GPBP1L1: variants seen among roughly 807,000 people sequenced by gnomAD.
GPBP1L1 encodes GC-rich promoter binding protein 1 like 1.
In GPBP1L1, 23 loss-of-function variants were observed where a neutral mutation model predicts 52.5. The observed-to-expected ratio is 0.44, with a 90% CI of 0.32 to 0.62. The LOEUF (loss-of-function observed/expected upper bound fraction) is 0.62. Ranked by LOEUF, GPBP1L1 falls within the 20% of genes least tolerant of loss-of-function variation. The pLI, the probability that GPBP1L1 is intolerant of heterozygous loss-of-function variation, is 0.06. For synonymous variants in GPBP1L1, 243 were observed against 203.1 expected (o/e 1.20, Z -1.67); for missense variants, 596 against 579.3 (o/e 1.03, Z -0.30).
chr1:45,664,507 C>T (rs938510599), intron 2 of GPBP1L1, among the ~76,000 whole-genome samples: 12 of 151,192 alleles, frequency 7.9e-5, no homozygotes, highest in African/African-American at 2.4e-4. Flanking sequence ...TGGAGCTTGC[C>T]GTGAGCGGAG....
chr1:45,678,592 A>G (rs370266475), intron 2 of GPBP1L1, among the ~76,000 whole-genome samples: 2 of 152,236 alleles, frequency 1.3e-5, no homozygotes, highest in Admixed American at 6.5e-5. Context: ...GAATTAAAAA[A>G]AGAACAAGCT....
At chr1:45,658,340 T>C (rs1230770867) in intron 4 of GPBP1L1, among the ~76,000 whole-genome samples, 1 of 152,184 alleles carries the variant, frequency 6.6e-6, no homozygotes, top group African/African-American at 2.4e-5. Flanking sequence ...CATTCCCCTT[T>C]TACTTCTGCC....
intron 2 of GPBP1L1, 61 bp from the exon 3 acceptor site, chr1:45,661,286 A>G (rs1255134202): frequency 1.3e-5 from 2 of 152,218 alleles, no homozygotes; most frequent in Admixed American, 1.3e-4. Context: ...ATATATACAT[A>G]TATCTGCTAA....
At chr1:45,633,886 A>C in intron 9 of GPBP1L1, 1 of 660,722 alleles carries the variant, frequency 1.5e-6, no homozygotes, top group Non-Finnish European at 2.5e-6. Context: ...TGCCAGTCTA[A>C]CATAGGATGA....
chr1:45,669,572 T>C (rs1288254959), intron 2 of GPBP1L1, among the ~76,000 whole-genome samples: 1 of 152,182 alleles, frequency 6.6e-6, no homozygotes, highest in East Asian at 1.9e-4. Context: ...CAGACATAGT[T>C]TAGTCATTTG....
chr1:45,676,197 A>G (rs1404683795), intron 2 of GPBP1L1, among the ~76,000 whole-genome samples: 1 of 152,208 alleles, frequency 6.6e-6, no homozygotes, highest in Non-Finnish European at 1.5e-5. Context: ...AAAAATTCCT[A>G]TTTAAGATTT....
intron 2 of GPBP1L1, among the ~76,000 whole-genome samples, chr1:45,680,235 C>CT (rs58188753): frequency 0.078 from 10,131 of 130,114 alleles, 1,095 homozygotes; most frequent in African/African-American, 0.23. Flanking sequence ...TTGAGACACG[C>CT]TTTTTTTTTT....
intron 11 of GPBP1L1, 90 bp from the exon 12 acceptor site, chr1:45,629,768 C>T (rs1644506345): frequency 2.3e-6 from 2 of 858,750 alleles, no homozygotes; most frequent in Non-Finnish European, 3.9e-6. Flanking sequence ...AGTTTTCTGC[C>T]CAGGGGCAAT....
At chr1:45,631,441 T>G (rs1321410431) in intron 10 of GPBP1L1, among the ~76,000 whole-genome samples, 1 of 152,108 alleles carries the variant, frequency 6.6e-6, no homozygotes, top group Non-Finnish European at 1.5e-5. Flanking sequence ...TTTTCTGTTT[T>G]TAGTAGGAAC....
chr1:45,654,591 T>C lies in GPBP1L1; in HGVS notation c.429A>G (p.Glu143=), dbSNP rs775374819. ...QEKPPMEIRE[E]KKEDKVEKLQ... is the part of the protein sequence containing the mutation. ...ACTTTTCCACCTTGTCTTCTTTCTTTTCTTCCCTAATCTCCATAGGTGGCT... is the reference window on the plus strand; with the variant it reads ...ACTTTTCCACCTTGTCTTCTTTCTTCTCTTCCCTAATCTCCATAGGTGGCT... The change falls in exon 6 of 13, where the codon GAA becomes GAG. Residue 143 remains glutamate (E), a synonymous_variant. Transcript: ENST00000355105. 13 of 1,613,368 alleles carry C rather than the reference T, an allele frequency of 8.1e-6. No individual in the cohort carries two copies. The highest frequency in any genetic ancestry group is 8.5e-6 in the Non-Finnish European group (10 of 1,179,408).
chr1:45,683,057 GT>G (rs35542665), intron 2 of GPBP1L1, among the ~76,000 whole-genome samples: 47,245 of 145,132 alleles, frequency 0.33, 7,464 homozygotes, highest in South Asian at 0.38. Flanking sequence ...TTTCCCATTA[GT>G]TTTTTTTTTT....
At chr1:45,674,752 C>G (rs777697155) in intron 2 of GPBP1L1, among the ~76,000 whole-genome samples, 3 of 152,224 alleles carry the variant, frequency 2.0e-5, no homozygotes, top group Non-Finnish European at 1.5e-5. Context: ...TTCTGCCCAA[C>G]AGCAAGCTCA....
At chr1:45,664,075 G>C (rs910081334) in intron 2 of GPBP1L1, among the ~76,000 whole-genome samples, 1 of 152,022 alleles carries the variant, frequency 6.6e-6, no homozygotes, top group Non-Finnish European at 1.5e-5. Flanking sequence ...GCTCACGCCT[G>C]TAATCCCAGC....
At chr1:45,652,350 T>C (rs554294940) in intron 6 of GPBP1L1, among the ~76,000 whole-genome samples, 223 of 152,318 alleles carry the variant, frequency 1.5e-3, no homozygotes, top group Admixed American at 4.0e-3. Flanking sequence ...ATTGATAAAA[T>C]AGAATGTTTG....
At chr1:45,651,537 G>C (rs775027792) in intron 6 of GPBP1L1, 139 of 539,744 alleles carry the variant, frequency 2.6e-4, no homozygotes, top group Non-Finnish European at 9.7e-5. Context: ...TTGTGGGCCA[G>C]CTTAAGTAGC....
Position 45,633,488 on chromosome 1 carries a change from C to T in GPBP1L1, c.1044+1G>A, listed in dbSNP as rs141022457. ...CCCCCAGAAAAGGCGGATGCTCTTACATCTTCCAGCTTGTCACAGTCTCTA... is the reference window on the plus strand; with the variant it reads ...CCCCCAGAAAAGGCGGATGCTCTTATATCTTCCAGCTTGTCACAGTCTCTA... On this transcript the variant is annotated splice_donor_variant, in intron 10 of 12. Transcript: ENST00000355105. LOFTEE classifies it high-confidence loss of function. 2.5e-6 allele frequency: 4 copies of T among 1,613,542 alleles called. No homozygotes were observed. Among genetic ancestry groups the T allele is most frequent in the African/African-American group, 1.3e-5 (1 of 74,854 alleles).
At chr1:45,668,669 A>G (rs1373975484) in intron 2 of GPBP1L1, among the ~76,000 whole-genome samples, 1 of 152,188 alleles carries the variant, frequency 6.6e-6, no homozygotes, top group East Asian at 1.9e-4. Context: ...AAACAAAAAC[A>G]AAACAAAAAA....
intron 6 of GPBP1L1, 74 bp downstream of exon 6, chr1:45,654,469 C>T: frequency 7.6e-7 from 1 of 1,317,400 alleles, no homozygotes; most frequent in Non-Finnish European, 1.0e-6. Context: ...GAAATGTTCT[C>T]ATTACTAACA....
At chr1:45,680,630 T>A (rs1006834444) in intron 2 of GPBP1L1, among the ~76,000 whole-genome samples, 1 of 152,156 alleles carries the variant, frequency 6.6e-6, no homozygotes, top group East Asian at 1.9e-4. Context: ...CAAATATTAA[T>A]TTTTAAGTTA....
Sources: gnomAD v4.1 joint callset for allele counts (sites outside exome capture counted in the v4.1 genomes callset) on GRCh38, gnomAD v4.1.1 for gene constraint, MANE v1.5 for transcripts, NCBI Gene and HGNC (gene_info 2026-07-23, HGNC 2026-07-21) for gene names.